SGCD: variants seen among roughly 807,000 people sequenced by gnomAD.
SGCD encodes the protein delta-sarcoglycan.
In SGCD, 18 loss-of-function variants were observed where a neutral mutation model predicts 36.6. That is an observed-to-expected ratio of 0.49 (90% confidence interval 0.34 to 0.73). SGCD has a LOEUF of 0.73. Ranked by LOEUF, SGCD falls within the 30% of genes least tolerant of loss-of-function variation. SGCD has a pLI of 0.01. For synonymous variants in SGCD, 133 were observed against 130.6 expected, an observed-to-expected ratio of 1.02 and a Z score of -0.12; for missense variants, 387 against 346.7, an observed-to-expected ratio of 1.12 and a Z score of -0.92.
At chr5:156,253,981 A>G (rs780700929) in intron 3 of SGCD, among the ~76,000 whole-genome samples, 2 of 152,206 alleles carry the variant, frequency 1.3e-5, no homozygotes, top group African/African-American at 2.4e-5. Context: ...AAACTCTTCT[A>G]TCACTTTTAA....
intron 1 of SGCD, among the ~76,000 whole-genome samples, chr5:156,020,312 G>T (rs1360391218): frequency 6.6e-6 from 1 of 152,204 alleles, no homozygotes; most frequent in Admixed American, 6.5e-5. Flanking sequence ...AACAAAGAAT[G>T]TCCTTCCTTC....
At chr5:155,985,459 T>C (rs1439919160) in intron 1 of SGCD, among the ~76,000 whole-genome samples, 1 of 152,188 alleles carries the variant, frequency 6.6e-6, no homozygotes, top group Non-Finnish European at 1.5e-5. Flanking sequence ...CCGCCTCCTC[T>C]TTTAAGTGCT....
At chr5:156,230,890 A>G (rs941445307) in intron 3 of SGCD, among the ~76,000 whole-genome samples, 11 of 152,278 alleles carry the variant, frequency 7.2e-5, no homozygotes, top group African/African-American at 2.4e-4. Context: ...ATATTTACTG[A>G]TCATCACCTA....
the SGCD span, among the ~76,000 whole-genome samples, chr5:155,794,141 GTGAACTGAGC>G: frequency 6.6e-6 from 1 of 152,114 alleles, no homozygotes; most frequent in African/African-American, 2.4e-5. Context: ...CCTTACGGAG[GTGAACTGAGC>G]ATTACTACAA....
At chr5:156,248,417 G>T (rs1294959763) in intron 3 of SGCD, among the ~76,000 whole-genome samples, 3 of 152,180 alleles carry the variant, frequency 2.0e-5, no homozygotes, top group Non-Finnish European at 4.4e-5. Context: ...CTACTCAGGA[G>T]GCTGAGCAGG....
intron 6 of SGCD, among the ~76,000 whole-genome samples, chr5:156,607,342 T>G (rs533795868): frequency 6.6e-6 from 1 of 152,338 alleles, no homozygotes; most frequent in African/African-American, 2.4e-5. Context: ...ATATGCTGGA[T>G]TATATTTACT....
the SGCD span, among the ~76,000 whole-genome samples, chr5:155,835,303 C>T: frequency 7.2e-5 from 11 of 152,104 alleles, no homozygotes; most frequent in African/African-American, 1.7e-4. Flanking sequence ...CCACTGCGCC[C>T]GGCCTTGTAA....
chr5:155,850,775 C>T, the SGCD span, among the ~76,000 whole-genome samples: 1 of 152,216 alleles, frequency 6.6e-6, no homozygotes, highest in African/African-American at 2.4e-5. Flanking sequence ...TCTTTCTTTT[C>T]ACAAAGACAG....
chr5:155,768,493 G>A, the SGCD span, among the ~76,000 whole-genome samples: 20 of 152,238 alleles, frequency 1.3e-4, no homozygotes, highest in South Asian at 4.1e-3. Context: ...TAAGTCAATT[G>A]TCATGCTCTG....
intron 7 of SGCD, among the ~76,000 whole-genome samples, chr5:156,692,663 C>G (rs568490662): frequency 1.3e-5 from 2 of 152,228 alleles, no homozygotes; most frequent in South Asian, 4.2e-4. Context: ...TTTTTCTGAC[C>G]AGTGGCTAAC....
At chr5:156,387,831 G>A (rs566029682) in intron 3 of SGCD, among the ~76,000 whole-genome samples, 6 of 152,254 alleles carry the variant, frequency 3.9e-5, no homozygotes, top group South Asian at 2.1e-4. Flanking sequence ...TATACAAGAC[G>A]GTGCAGGACA....
intron 3 of SGCD, among the ~76,000 whole-genome samples, chr5:156,211,119 A>G (rs1210864377): frequency 5.3e-5 from 8 of 152,162 alleles, no homozygotes; most frequent in Admixed American, 3.9e-4. Context: ...CTCAGCAGAA[A>G]TCTTACAGGA....
At chr5:155,737,794 A>G in the SGCD span, among the ~76,000 whole-genome samples, 2 of 152,156 alleles carry the variant, frequency 1.3e-5, no homozygotes, top group South Asian at 4.1e-4. Flanking sequence ...GATCACTCAT[A>G]GTATATTCCC....
chr5:156,668,342 T>G (rs572369899), intron 7 of SGCD, among the ~76,000 whole-genome samples: 50 of 152,352 alleles, frequency 3.3e-4, no homozygotes, highest in African/African-American at 1.1e-3. Context: ...TTCCTTCCCC[T>G]TTTCCCTATT....
chr5:156,048,542 T>C (rs1048614589), intron 1 of SGCD, among the ~76,000 whole-genome samples: 6 of 152,220 alleles, frequency 3.9e-5, no homozygotes, highest in Non-Finnish European at 7.3e-5. Context: ...GGGTATCTCA[T>C]TGTGGTTTTG....
intron 3 of SGCD, among the ~76,000 whole-genome samples, chr5:156,264,914 C>T (rs6866397): frequency 0.16 from 24,152 of 151,988 alleles, 2,882 homozygotes; most frequent in African/African-American, 0.34. Flanking sequence ...TTCTTCATTC[C>T]AAACTCTGCA....
chr5:156,224,638 G>A (rs1182986644), intron 3 of SGCD, among the ~76,000 whole-genome samples: 1 of 152,104 alleles, frequency 6.6e-6, no homozygotes, highest in Non-Finnish European at 1.5e-5. Context: ...AACTGTGTGT[G>A]GAGGAAAGGT....
Position 156,647,574 on chromosome 5 carries a change from A to G in SGCD, c.575+38A>G, listed in dbSNP as rs1210727912. ...CTTTGGTTTGCATTGATTAATGGCTATTGCCTTGCTCTGTGCAACTGGCCA... is the reference window on the plus strand; with the variant it reads ...CTTTGGTTTGCATTGATTAATGGCTGTTGCCTTGCTCTGTGCAACTGGCCA... On this transcript the variant is annotated intron_variant, in intron 7 of 8. Coordinates refer to ENST00000337851, the MANE Select transcript of SGCD (RefSeq NM_000337.6). 4 of 1,337,434 alleles carry G rather than the reference A, an allele frequency of 3.0e-6. No individual in the cohort carries two copies. The South Asian group carries it at 5.0e-5, about 17-fold the overall frequency. 82.8% of individuals were successfully genotyped at this position (1,337,434 alleles called of 1,614,324 possible).
chr5:156,069,642 T>A (rs1282211369), intron 1 of SGCD, among the ~76,000 whole-genome samples: 1 of 151,932 alleles, frequency 6.6e-6, no homozygotes, highest in Non-Finnish European at 1.5e-5. Context: ...TTAAAGTAGT[T>A]TTTTCCAGTA....
Sources: allele counts gnomAD v4.1 joint callset (sites outside exome capture counted in the v4.1 genomes callset), GRCh38; gene constraint gnomAD v4.1.1; transcripts MANE v1.5; gene names NCBI Gene and HGNC (gene_info 2026-07-23, HGNC 2026-07-21).